The following RALGAPA2 variants were observed in gnomAD, a reference collection of about 807,000 sequenced individuals.
RALGAPA2 encodes ral GTPase-activating protein subunit alpha-2.
In RALGAPA2, 139 loss-of-function variants were observed where a neutral mutation model predicts 230.4. The observed-to-expected ratio is 0.60, with a 90% CI of 0.53 to 0.69. The LOEUF (loss-of-function observed/expected upper bound fraction) is 0.69, where lower values mean the gene tolerates loss of function less well. Among genes scored for constraint, RALGAPA2 ranks in the 30% least tolerant of loss-of-function variants. RALGAPA2 has a pLI of 0.00. For missense variants in RALGAPA2, 2,163 were observed against 2,276.0 expected, an observed-to-expected ratio of 0.95 and a Z score of 1.01; for synonymous variants, 847 against 837.8, an observed-to-expected ratio of 1.01 and a Z score of -0.19.
intron 21 of RALGAPA2, 144 bp downstream of exon 21, chr20:20,572,731 T>C: frequency 1.4e-6 from 1 of 716,416 alleles, no homozygotes; most frequent in Non-Finnish European, 2.1e-6. Context: ...TATATGATTA[T>C]TCTTTGATAA....
intron 1 of RALGAPA2, 28 bp from the exon 2 acceptor site, chr20:20,680,829 CA>C (rs2068493015): frequency 6.5e-7 from 1 of 1,533,004 alleles, no homozygotes; most frequent in African/African-American, 1.4e-5. Flanking sequence ...CCATTTATGA[CA>C]ATTCACTTTA....
chr20:20,395,882 G>T (rs890131280), intron 39 of RALGAPA2, among the ~76,000 whole-genome samples: 1 of 152,226 alleles, frequency 6.6e-6, no homozygotes, highest in East Asian at 1.9e-4. Context: ...CACTGTGGGC[G>T]ACAGGCTCAG....
intron 3 of RALGAPA2, among the ~76,000 whole-genome samples, chr20:20,673,108 C>T (rs2068193272): frequency 6.6e-6 from 1 of 151,576 alleles, no homozygotes; most frequent in African/African-American, 2.4e-5. Context: ...TGGCATGAAC[C>T]CGGGAGGCGG....
chr20:20,525,655 T>C (rs1396925196), intron 28 of RALGAPA2, among the ~76,000 whole-genome samples: 1 of 152,210 alleles, frequency 6.6e-6, no homozygotes. Flanking sequence ...CCTTATCCCA[T>C]GGACACCTAC....
chr20:20,588,268 T>C (rs758314982), intron 18 of RALGAPA2, among the ~76,000 whole-genome samples: 3 of 152,252 alleles, frequency 2.0e-5, no homozygotes, highest in Non-Finnish European at 2.9e-5. Context: ...GGTCTACTTA[T>C]AGTGGAATAC....
chr20:20,584,324 C>T (rs957066879), intron 19 of RALGAPA2, among the ~76,000 whole-genome samples: 5 of 152,106 alleles, frequency 3.3e-5, no homozygotes, highest in East Asian at 1.9e-4. Flanking sequence ...TTTTTCTCTC[C>T]GGTCTATCTG....
At position 20,572,887 on chromosome 20, in the gene RALGAPA2, G is replaced by A. The variant is rs777936571; in HGVS notation, c.2889C>T (p.Tyr963=). ...RVFCYLYELW[Y]KLAKIRDNLA... ...TAGCAGAACTTACCTTTGCTAGTTT[G>A]TACCAGAGTTCATAGAGATAGCAGA... Residue 963 remains tyrosine (Y), a synonymous_variant, in exon 21 of 40, where the codon TAC becomes TAT. Coordinates refer to ENST00000202677, the MANE Select transcript of RALGAPA2 (RefSeq NM_020343.4). The A allele has an allele frequency of 9.1e-6, 14 of 1,542,334 alleles. No individual in the cohort carries two copies. In the East Asian group the frequency reaches 9.7e-5, roughly 11 times the overall value.
chr20:20,462,952 GTTCCT>G (rs759642930), intron 37 of RALGAPA2, among the ~76,000 whole-genome samples: 1 of 152,190 alleles, frequency 6.6e-6, no homozygotes, highest in Non-Finnish European at 1.5e-5. Context: ...ATGGCATTCT[GTTCCT>G]TTCAACATGG....
At chr20:20,446,519 G>A (rs543427264) in intron 37 of RALGAPA2, among the ~76,000 whole-genome samples, 1 of 152,282 alleles carries the variant, frequency 6.6e-6, no homozygotes, top group Admixed American at 6.5e-5. Flanking sequence ...TGATTAAGAG[G>A]AGAACAGCAG....
At chr20:20,554,713 AG>A (rs2145785214) in intron 23 of RALGAPA2, among the ~76,000 whole-genome samples, 1 of 152,290 alleles carries the variant, frequency 6.6e-6, no homozygotes, top group African/African-American at 2.4e-5. Flanking sequence ...CATGTTGTCC[AG>A]GCAGGTCTCA....
intron 16 of RALGAPA2, among the ~76,000 whole-genome samples, chr20:20,592,199 TA>T (rs966678105): frequency 2.0e-5 from 3 of 152,318 alleles, no homozygotes; most frequent in Non-Finnish European, 4.4e-5. Context: ...ATGGTCCATC[TA>T]AAATAAAGAT....
intron 4 of RALGAPA2, among the ~76,000 whole-genome samples, chr20:20,653,292 G>A (rs1207916578): frequency 6.6e-6 from 1 of 151,580 alleles, no homozygotes; most frequent in East Asian, 1.9e-4. Flanking sequence ...CAAGCTTCTG[G>A]GTGAGGCTTA....
intron 3 of RALGAPA2, among the ~76,000 whole-genome samples, chr20:20,668,799 T>G (rs1209892572): frequency 6.6e-6 from 1 of 152,002 alleles, no homozygotes; most frequent in Non-Finnish European, 1.5e-5. Flanking sequence ...CTGAATAAAC[T>G]AAGAGGCAGA....
chr20:20,677,371 G>A (rs923325806), intron 2 of RALGAPA2, among the ~76,000 whole-genome samples: 6 of 152,262 alleles, frequency 3.9e-5, no homozygotes, highest in Non-Finnish European at 5.9e-5. Flanking sequence ...CAAGCCATAC[G>A]GAAATTTAGG....
At chr20:20,635,880 T>C (rs773083209) in intron 8 of RALGAPA2, among the ~76,000 whole-genome samples, 2 of 152,220 alleles carry the variant, frequency 1.3e-5, no homozygotes, top group Non-Finnish European at 2.9e-5. Context: ...AGCTAACAAC[T>C]ATTTTTAACA....
rs774874603 is a variant in RALGAPA2, at chr20:20,470,738, A to AT, written c.5495+2090dup. 5.9e-5 allele frequency among the ~76,000 whole-genome samples: 9 copies of AT among 152,260 alleles called. No homozygotes were observed. The East Asian group carries it at 1.7e-3, about 29-fold the overall frequency. On this transcript the variant is annotated intron_variant, in intron 37 of 39. Transcript: ENST00000202677. ...CTGCAATCTCTCAACTTGTCATGGT[A>AT]TTTTTTATTTGCTATTTAATGTTAT... is the stretch of plus-strand genomic sequence containing the variant.
At chr20:20,594,829 T>C (rs1353938311) in intron 16 of RALGAPA2, among the ~76,000 whole-genome samples, 2 of 150,914 alleles carry the variant, frequency 1.3e-5, no homozygotes, top group African/African-American at 2.4e-5. Context: ...CCCAAGTTCA[T>C]GGCATTCTCC....
chr20:20,702,142 C>A (rs879373186), intron 1 of RALGAPA2, among the ~76,000 whole-genome samples: 14 of 151,950 alleles, frequency 9.2e-5, no homozygotes, highest in Admixed American at 3.3e-4. Context: ...TGTGGGAATT[C>A]TGAGAAGAGA....
At chr20:20,462,642 G>C (rs117358758) in intron 37 of RALGAPA2, among the ~76,000 whole-genome samples, 2 of 152,102 alleles carry the variant, frequency 1.3e-5, no homozygotes, top group Admixed American at 6.5e-5. Context: ...CATTTGGGTC[G>C]TACTCACCCC....
Sources: gnomAD v4.1 joint callset for allele counts (sites outside exome capture counted in the v4.1 genomes callset) on GRCh38, gnomAD v4.1.1 for gene constraint, MANE v1.5 for transcripts, NCBI Gene and HGNC (gene_info 2026-07-23, HGNC 2026-07-21) for gene names.